The following TAF2 variants were observed in gnomAD, a reference collection of about 807,000 sequenced individuals.
The protein encoded by TAF2 is transcription initiation factor TFIID subunit 2.
Under a neutral mutation model 138.5 loss-of-function variants are expected in TAF2, and 61 were observed. The ratio of observed to expected loss-of-function variants is 0.44; its 90% CI spans 0.36 to 0.54. The LOEUF is 0.54. Ranked by LOEUF, TAF2 falls within the 20% of genes least tolerant of loss-of-function variation. The pLI, the probability that TAF2 is intolerant of heterozygous loss-of-function variation, is 0.00. For missense variants in TAF2, 1,090 were observed against 1,427.9 expected (o/e 0.76, Z 3.81); for synonymous variants, 475 against 469.9 (o/e 1.01, Z -0.14).
intron 13 of TAF2, 124 bp from the exon 14 acceptor site, chr8:119,788,571 T>C (rs1823198423): frequency 2.4e-6 from 2 of 848,000 alleles, no homozygotes; most frequent in South Asian, 1.5e-5. Flanking sequence ...TCTGGAGACC[T>C]AGATAGGCAA....
At chr8:119,785,389 G>A in intron 14 of TAF2, 123 bp from the exon 15 acceptor site, 1 of 677,224 alleles carries the variant, frequency 1.5e-6, no homozygotes, top group Non-Finnish European at 2.6e-6. Flanking sequence ...TAGGAAAAAT[G>A]GCTATCAAAT....
At chr8:119,805,380 T>C (rs550952025) in intron 4 of TAF2, among the ~76,000 whole-genome samples, 3 of 152,298 alleles carry the variant, frequency 2.0e-5, no homozygotes, top group African/African-American at 7.2e-5. Flanking sequence ...TAATTTGATA[T>C]TGTGCAGGTT....
chr8:119,749,623 G>A (rs1820212993), intron 22 of TAF2, among the ~76,000 whole-genome samples: 1 of 152,208 alleles, frequency 6.6e-6, no homozygotes, highest in Non-Finnish European at 1.5e-5. Flanking sequence ...CAAGTCAGCT[G>A]TCTGGGCTAT....
intron 25 of TAF2, 140 bp from the exon 26 acceptor site, chr8:119,732,326 A>C (rs1818931030): frequency 1.3e-6 from 1 of 764,936 alleles, no homozygotes; most frequent in African/African-American, 1.7e-5. Context: ...GAAGTATCTA[A>C]ATAAGACATG....
At chr8:119,785,813 C>T (rs983949214) in intron 14 of TAF2, among the ~76,000 whole-genome samples, 2 of 152,200 alleles carry the variant, frequency 1.3e-5, no homozygotes, top group Middle Eastern at 3.4e-3. Context: ...AAAACAGGAA[C>T]AGAGAAAACT....
chr8:119,779,827 T>C (rs1822516103), intron 17 of TAF2, among the ~76,000 whole-genome samples: 1 of 152,162 alleles, frequency 6.6e-6, no homozygotes. Context: ...TGTTGTTTTC[T>C]AAAATTTACT....
chr8:119,771,555 TCAGA>T (rs1303365433), intron 18 of TAF2, among the ~76,000 whole-genome samples: 1 of 152,020 alleles, frequency 6.6e-6, no homozygotes, highest in Non-Finnish European at 1.5e-5. Flanking sequence ...CATTCTTACA[TCAGA>T]TAAAATAGAC....
intron 18 of TAF2, among the ~76,000 whole-genome samples, chr8:119,772,246 C>T (rs1334653046): frequency 6.6e-6 from 1 of 152,182 alleles, no homozygotes; most frequent in Non-Finnish European, 1.5e-5. Flanking sequence ...TAACAACCTA[C>T]TTTGGATTGA....
At chr8:119,827,726 T>C (rs1433628448) in intron 2 of TAF2, among the ~76,000 whole-genome samples, 2 of 126,762 alleles carry the variant, frequency 1.6e-5, no homozygotes, top group Admixed American at 2.0e-4. Flanking sequence ...AAAAAGGCCA[T>C]GGAAGGAATT....
intron 15 of TAF2, among the ~76,000 whole-genome samples, chr8:119,784,033 TAG>T (rs1822852550): frequency 1.3e-5 from 2 of 152,338 alleles, no homozygotes; most frequent in African/African-American, 4.8e-5. Flanking sequence ...TTAAAAATAC[TAG>T]ACTCACGATC....
chr8:119,744,695 G>T, intron 23 of TAF2: 1 of 422,932 alleles, frequency 2.4e-6, no homozygotes, highest in Non-Finnish European at 4.4e-6. Flanking sequence ...CCCCCAAACA[G>T]AGAAGAATTA....
intron 25 of TAF2, among the ~76,000 whole-genome samples, chr8:119,739,383 A>C (rs1218407634): frequency 6.6e-6 from 1 of 152,190 alleles, no homozygotes; most frequent in Non-Finnish European, 1.5e-5. Flanking sequence ...TAAATAATAA[A>C]GTAATGAAGG....
chr8:119,785,617 T>C (rs1289774443), intron 14 of TAF2, among the ~76,000 whole-genome samples: 1 of 152,214 alleles, frequency 6.6e-6, no homozygotes, highest in African/African-American at 2.4e-5. Context: ...AGGATCAGCC[T>C]TGAAATGGGA....
chr8:119,778,899 C>A (rs766913832), intron 17 of TAF2, among the ~76,000 whole-genome samples: 1 of 152,116 alleles, frequency 6.6e-6, no homozygotes, highest in Non-Finnish European at 1.5e-5. Flanking sequence ...TAGCACATGG[C>A]GAGATATGGA....
At chr8:119,777,013 G>A (rs1307054083) in intron 18 of TAF2, among the ~76,000 whole-genome samples, 2 of 150,878 alleles carry the variant, frequency 1.3e-5, no homozygotes, top group African/African-American at 2.4e-5. Flanking sequence ...TGTCTGTACT[G>A]AACATGTATG....
Position 119,797,005 on chromosome 8 carries a change from AT to A in TAF2, c.1075del (p.Ile359TyrfsTer12). On this transcript the variant is annotated frameshift_variant, in exon 8 of 26. Coordinates refer to ENST00000378164, the MANE Select transcript of TAF2 (RefSeq NM_003184.4). LOFTEE classifies it high-confidence loss of function. Reference sequence around the variant, plus strand: ...GGTCACTCACCAAGACATTCTAGATATGAAACAACCAAAAAACTGCTGGGCC... The same window carrying A: ...GGTCACTCACCAAGACATTCTAGATAGAAACAACCAAAAAACTGCTGGGCC... ...SLAQQFFGCFISRMSWSDEWV... is the reference protein window; with the variant it reads ...SLAQQFFGCFXSRMSWSDEWV... 6.2e-7 allele frequency: 1 copy of A among 1,612,596 alleles called. No individual in the cohort carries two copies. The highest frequency in any genetic ancestry group is 8.5e-7 in the Non-Finnish European group (1 of 1,178,776).
chr8:119,787,397 A>C (rs1206637842), intron 14 of TAF2, among the ~76,000 whole-genome samples: 5 of 152,086 alleles, frequency 3.3e-5, no homozygotes, highest in East Asian at 1.9e-4. Context: ...AACAAACAAA[A>C]AAAAACCCAA....
At chr8:119,768,395 C>T (rs543286789) in intron 18 of TAF2, among the ~76,000 whole-genome samples, 2 of 152,262 alleles carry the variant, frequency 1.3e-5, no homozygotes, top group South Asian at 4.2e-4. Flanking sequence ...CATTTTCATG[C>T]CTCTTGTACT....
At chr8:119,746,628 G>T in intron 23 of TAF2, 77 bp downstream of exon 23, 1 of 1,476,880 alleles carries the variant, frequency 6.8e-7, no homozygotes, top group Non-Finnish European at 9.5e-7. Context: ...AAATTCACTA[G>T]TTCACAGGAA....
Sources: allele counts gnomAD v4.1 joint callset (sites outside exome capture counted in the v4.1 genomes callset), GRCh38; gene constraint gnomAD v4.1.1; transcripts MANE v1.5; gene names NCBI Gene and HGNC (gene_info 2026-07-23, HGNC 2026-07-21).